The following RBM33 variants were observed in gnomAD, a reference collection of about 807,000 sequenced individuals.
RBM33 encodes RNA-binding protein 33.
Under a neutral mutation model 132.6 loss-of-function variants are expected in RBM33, and 28 were observed. That is an observed-to-expected ratio of 0.21 (90% CI 0.16 to 0.29). The LOEUF (loss-of-function observed/expected upper bound fraction) is 0.29. Ranked by LOEUF, RBM33 falls within the 10% of genes least tolerant of loss-of-function variation. The probability of loss-of-function intolerance (pLI) is 1.00; values close to 1 mark genes in which losing one functional copy is unlikely to be tolerated. For missense variants in RBM33, 1,291 were observed against 1,518.5 expected (o/e 0.85, Z 2.49); for synonymous variants, 634 against 593.0 (o/e 1.07, Z -1.01).
chr7:155,709,407 C>G (rs9691493), intron 7 of RBM33, among the ~76,000 whole-genome samples: 1 of 151,958 alleles, frequency 6.6e-6, no homozygotes, highest in African/African-American at 2.4e-5. Flanking sequence ...GTTTTGTTCT[C>G]GTCCTCCTTT....
At chr7:155,693,880 CT>C (rs924693249) in intron 5 of RBM33, among the ~76,000 whole-genome samples, 48 of 152,264 alleles carry the variant, frequency 3.2e-4, no homozygotes, top group African/African-American at 1.1e-3. Flanking sequence ...TGTGATCCAT[CT>C]TTTTTAGAAG....
At chr7:155,740,869 T>G (rs1801309513) in intron 12 of RBM33, among the ~76,000 whole-genome samples, 1 of 152,064 alleles carries the variant, frequency 6.6e-6, no homozygotes, top group African/African-American at 2.4e-5. Flanking sequence ...TTGCCTCCAT[T>G]AAATATATAT....
chr7:155,688,090 A>G (rs76203208), intron 5 of RBM33, among the ~76,000 whole-genome samples: 112,520 of 152,008 alleles, frequency 0.74, 41,898 homozygotes, highest in South Asian at 0.8. Flanking sequence ...TCACGATATT[A>G]ATTCTTCCTA....
intron 9 of RBM33, among the ~76,000 whole-genome samples, chr7:155,727,881 G>A (rs1040073031): frequency 1.3e-5 from 2 of 152,180 alleles, no homozygotes; most frequent in African/African-American, 4.8e-5. Flanking sequence ...TCCTCTCACC[G>A]CAGCCTCAAG....
chr7:155,760,792 T>G (rs1321103092), intron 14 of RBM33, among the ~76,000 whole-genome samples: 4 of 152,200 alleles, frequency 2.6e-5, no homozygotes. Context: ...AGGCCCTCCC[T>G]GCCTGGTGGG....
At chr7:155,716,238 G>A (rs984606039) in intron 8 of RBM33, among the ~76,000 whole-genome samples, 43 of 151,722 alleles carry the variant, frequency 2.8e-4, no homozygotes, top group Admixed American at 2.8e-3. Context: ...GGTGGGCCAG[G>A]TGTCTGCACT....
In RBM33 at chr7:155,766,600, C is replaced by T. The variant is rs775076860; in HGVS notation, c.3320C>T (p.Ser1107Leu). 8.7e-6 allele frequency: 14 copies of T among 1,612,278 alleles called. No individual in the cohort carries two copies. Among genetic ancestry groups the T allele is most frequent in the Admixed American group, 3.3e-5 (2 of 59,824 alleles). ...GTGGTGTCTGTGGAGGGGCTGTCCT[C>T]GTCCACCACGGATGCCCAGCTGAAG... The part of the protein sequence containing the change: ...PCVVSVEGLS[S>L]STTDAQLKSL... The change falls in exon 16 of 18, where the codon TCG becomes TTG. Residue 1107 changes from serine to leucine, a missense_variant. Ser to Leu is a moderately radical substitution (Grantham distance 145). Coordinates refer to ENST00000401878, the MANE Select transcript of RBM33 (RefSeq NM_053043.3).
chr7:155,719,665 T>G (rs1335102635), intron 9 of RBM33, among the ~76,000 whole-genome samples: 1 of 152,216 alleles, frequency 6.6e-6, no homozygotes, highest in Non-Finnish European at 1.5e-5. Flanking sequence ...AAGGCTGACA[T>G]GTATGATTTT....
intron 14 of RBM33, among the ~76,000 whole-genome samples, chr7:155,749,551 G>C (rs149000206): frequency 6.6e-6 from 1 of 152,164 alleles, no homozygotes; most frequent in Non-Finnish European, 1.5e-5. Context: ...TCTACTATTA[G>C]CAGTCTAGAT....
intron 10 of RBM33, among the ~76,000 whole-genome samples, 171 bp downstream of exon 10, chr7:155,737,833 T>G (rs544051674): frequency 6.6e-6 from 1 of 152,304 alleles, no homozygotes; most frequent in East Asian, 1.9e-4. Flanking sequence ...AATTGGACAT[T>G]GTTGGTATCT....
Position 155,644,668 on chromosome 7 carries a change from G to A in RBM33, c.-209G>A, listed in dbSNP as rs992723530. The stretch of plus-strand genomic sequence containing the variant: ...CCCAGGGTGCACCGCGGCGGGCGCG[G>A]GCGCGCGGCCATGTTGCGGTAGTTT... On this transcript the variant is annotated 5_prime_UTR_variant, in exon 1 of 18. Coordinates refer to ENST00000401878, the MANE Select transcript of RBM33 (RefSeq NM_053043.3). The A allele has an allele frequency of 4.8e-6, 2 of 421,016 alleles. No homozygotes were observed. Among genetic ancestry groups the A allele is most frequent in the Admixed American group, 9.0e-5 (2 of 22,238 alleles). 26.1% of individuals were successfully genotyped at this position (421,016 alleles called of 1,614,324 possible). A position where few individuals can be genotyped will look rare whatever the true frequency, so the allele number is the denominator to read the frequency against.
intron 9 of RBM33, among the ~76,000 whole-genome samples, chr7:155,722,589 A>G (rs568285518): frequency 2.0e-5 from 3 of 152,336 alleles, no homozygotes; most frequent in Non-Finnish European, 4.4e-5. Context: ...TCCATAAAGT[A>G]TATTTTCTAG....
intron 8 of RBM33, among the ~76,000 whole-genome samples, chr7:155,714,980 A>G (rs576435534): frequency 2.0e-5 from 3 of 152,286 alleles, no homozygotes; most frequent in Non-Finnish European, 4.4e-5. Context: ...GCCACTGGGC[A>G]TGGCAGAGAA....
Position 155,741,932 on chromosome 7 carries a change from G to T in RBM33, c.2163G>T (p.Met721Ile). The change falls in exon 13 of 18, where the codon ATG (methionine) becomes ATT (isoleucine). Residue 721 changes from methionine (M) to isoleucine (I), a missense_variant. Coordinates refer to ENST00000401878, the MANE Select transcript of RBM33 (RefSeq NM_053043.3). ...TAGCGCCGTCACACGTGATAGAAAT[G>T]AGCAGCAGCCGCTGCTCTGCCACGC... is the stretch of plus-strand genomic sequence containing the variant. ...LPIAPSHVIE[M>I]SSSRCSATPS... The T allele has an allele frequency of 9.9e-6, 16 of 1,613,974 alleles. No individual in the cohort carries two copies. Among genetic ancestry groups the T allele is most frequent in the Non-Finnish European group, 1.4e-5 (16 of 1,179,886 alleles).
chr7:155,672,858 T>C lies in RBM33; in HGVS notation c.123-9T>C, dbSNP rs1798982724. ...TAATCATTGACATGTCTCTTTTTTTTCTCCCAAGTGAACTTGAAGATGATT... is the reference window on the plus strand; with the variant it reads ...TAATCATTGACATGTCTCTTTTTTTCCTCCCAAGTGAACTTGAAGATGATT... On this transcript the variant is annotated splice_polypyrimidine_tract_variant and intron_variant, in intron 2 of 17. Coordinates refer to ENST00000401878, the MANE Select transcript of RBM33 (RefSeq NM_053043.3). 7 of 1,545,266 alleles carry C rather than the reference T, an allele frequency of 4.5e-6. No homozygotes were observed. The highest frequency in any genetic ancestry group is 6.1e-6 in the Non-Finnish European group (7 of 1,143,008).
intron 14 of RBM33, among the ~76,000 whole-genome samples, chr7:155,762,538 C>G (rs1383757145): frequency 6.6e-6 from 1 of 152,212 alleles, no homozygotes; most frequent in Non-Finnish European, 1.5e-5. Context: ...GCCACGTATT[C>G]CTGTGTGACA....
intron 1 of RBM33, among the ~76,000 whole-genome samples, chr7:155,653,057 A>G (rs1798398681): frequency 6.6e-6 from 1 of 152,156 alleles, no homozygotes; most frequent in South Asian, 2.1e-4. Context: ...GCTAAATAAT[A>G]TTCCATTATA....
At position 155,759,475 on chromosome 7, in the gene RBM33, T is replaced by G. The variant is rs889342402; in HGVS notation, c.2980-4337T>G. Among the ~76,000 whole-genome samples, 25 of 146,972 alleles carry G rather than the reference T, an allele frequency of 1.7e-4. No individual in the cohort carries two copies. The East Asian group carries it at 4.8e-3, about 28-fold the overall frequency. ...CTCTGTCTCCCAGGCTGGAGTGCAGTGGTGCGATCTCGGCTCACTGCAAGC... is the reference window on the plus strand; with the variant it reads ...CTCTGTCTCCCAGGCTGGAGTGCAGGGGTGCGATCTCGGCTCACTGCAAGC... On this transcript the variant is annotated intron_variant, in intron 14 of 17. Coordinates refer to ENST00000401878, the MANE Select transcript of RBM33 (RefSeq NM_053043.3).
intron 14 of RBM33, among the ~76,000 whole-genome samples, chr7:155,753,028 T>C (rs1801733547): frequency 6.6e-6 from 1 of 152,180 alleles, no homozygotes; most frequent in Admixed American, 6.5e-5. Context: ...GTTTAAGATA[T>C]TTAAATACTG....
Sources: gnomAD v4.1 joint callset for allele counts (sites outside exome capture counted in the v4.1 genomes callset) on GRCh38, gnomAD v4.1.1 for gene constraint, MANE v1.5 for transcripts, NCBI Gene and HGNC (gene_info 2026-07-23, HGNC 2026-07-21) for gene names.